Variants in SLC4A10 observed in about 807,000 individuals in gnomAD.
SLC4A10 encodes the protein solute carrier family 4 member 10, also known as sodium-driven chloride bicarbonate exchanger.
Under a neutral mutation model 137.7 loss-of-function variants are expected in SLC4A10, and 42 were observed. The observed-to-expected ratio is 0.30, with a 90% CI of 0.24 to 0.39. The LOEUF (loss-of-function observed/expected upper bound fraction) is 0.39, where lower values mean the gene tolerates loss of function less well. Ranked by LOEUF, SLC4A10 falls within the 10% of genes least tolerant of loss-of-function variation. The pLI, the probability that SLC4A10 is intolerant of heterozygous loss-of-function variation, is 1.00. For synonymous variants in SLC4A10, 474 were observed against 464.1 expected, an observed-to-expected ratio of 1.02 and a Z score of -0.27; for missense variants, 925 against 1,355.0, an observed-to-expected ratio of 0.68 and a Z score of 4.98.
chr2:161,764,349 G>A (rs1411760788), intron 1 of SLC4A10, among the ~76,000 whole-genome samples: 1 of 151,974 alleles, frequency 6.6e-6, no homozygotes, highest in African/African-American at 2.4e-5. Flanking sequence ...AATAGTGGAA[G>A]GCTAAATAAA....
intron 1 of SLC4A10, among the ~76,000 whole-genome samples, chr2:161,632,678 G>C (rs553229153): frequency 6.6e-6 from 1 of 151,324 alleles, no homozygotes; most frequent in East Asian, 1.9e-4. Context: ...TGTCAGGAGG[G>C]CTAGTTAAAA....
chr2:161,912,894 A>G (rs1463530267), intron 15 of SLC4A10, among the ~76,000 whole-genome samples: 1 of 148,558 alleles, frequency 6.7e-6, no homozygotes, highest in Non-Finnish European at 1.5e-5. Flanking sequence ...GAGATATTCT[A>G]AGGCTTAATT....
At chr2:161,903,292 T>C (rs1053906964) in intron 12 of SLC4A10, among the ~76,000 whole-genome samples, 8 of 152,206 alleles carry the variant, frequency 5.3e-5, no homozygotes, top group African/African-American at 1.9e-4. Flanking sequence ...TCACAGATGC[T>C]GGGATATGTT....
intron 1 of SLC4A10, among the ~76,000 whole-genome samples, chr2:161,726,188 T>A (rs2046200162): frequency 6.6e-6 from 1 of 151,974 alleles, no homozygotes; most frequent in African/African-American, 2.4e-5. Flanking sequence ...GAAGTGGAGA[T>A]TAGAAAAATA....
chr2:161,904,050 T>G lies in SLC4A10; in HGVS notation c.1489T>G (p.Phe497Val). 6.3e-7 allele frequency: 1 copy of G among 1,597,430 alleles called. No homozygotes were observed. The highest frequency in any genetic ancestry group is 8.5e-7 in the Non-Finnish European group (1 of 1,170,806). ...AGATATCAAAAGAAAAGCTCCATAC[T>G]TCTGGAGTGACTTCAGAGATGCTTT... The part of the protein sequence containing the change: ...ILDIKRKAPY[F>V]WSDFRDAFSL... The change falls in exon 13 of 27, where the codon TTC (phenylalanine) becomes GTC (valine). Residue 497 changes from phenylalanine to valine, a missense_variant. By Grantham distance (50) the Phe-to-Val change is conservative. This residue lies in a region of SLC4A10 where 61 missense variants were observed against 59.0 expected (regional missense o/e 1.03). Coordinates refer to ENST00000446997, the MANE Select transcript of SLC4A10 (RefSeq NM_001178015.2).
intron 1 of SLC4A10, among the ~76,000 whole-genome samples, chr2:161,650,122 A>G (rs2036581586): frequency 6.6e-6 from 1 of 152,184 alleles, no homozygotes; most frequent in East Asian, 1.9e-4. Context: ...CTTAGTAGTC[A>G]TATCTCCTTA....
At chr2:161,829,498 C>T (rs2058281880) in intron 3 of SLC4A10, among the ~76,000 whole-genome samples, 1 of 152,118 alleles carries the variant, frequency 6.6e-6, no homozygotes, top group South Asian at 2.1e-4. Context: ...AGTTAAAGGA[C>T]CCTCTTGGCT....
chr2:161,826,809 C>T (rs958134647), intron 3 of SLC4A10, among the ~76,000 whole-genome samples: 1 of 152,138 alleles, frequency 6.6e-6, no homozygotes, highest in African/African-American at 2.4e-5. Flanking sequence ...CTGATTATAA[C>T]AGTAATAAAT....
chr2:161,774,537 C>T (rs546603153), intron 2 of SLC4A10, among the ~76,000 whole-genome samples: 1 of 151,896 alleles, frequency 6.6e-6, no homozygotes, highest in African/African-American at 2.4e-5. Flanking sequence ...ACGTTCCTCC[C>T]CAAGAATTAC....
At chr2:161,958,655 C>T in intron 21 of SLC4A10, 100 bp downstream of exon 21, 1 of 745,642 alleles carries the variant, frequency 1.3e-6, no homozygotes, top group South Asian at 1.9e-5. Context: ...ACCTGAGGAA[C>T]AGCTTTTAGA....
intron 1 of SLC4A10, among the ~76,000 whole-genome samples, chr2:161,753,548 G>A (rs1478926643): frequency 6.6e-6 from 1 of 152,116 alleles, no homozygotes; most frequent in Non-Finnish European, 1.5e-5. Context: ...TTTCCCATTT[G>A]TAAAGTGGAG....
At chr2:161,651,485 C>A (rs2036787023) in intron 1 of SLC4A10, among the ~76,000 whole-genome samples, 1 of 152,208 alleles carries the variant, frequency 6.6e-6, no homozygotes, top group Non-Finnish European at 1.5e-5. Flanking sequence ...TGCCATGTTG[C>A]AAGTGACAAG....
At chr2:161,863,943 T>C (rs2060583451) in intron 6 of SLC4A10, among the ~76,000 whole-genome samples, 1 of 152,188 alleles carries the variant, frequency 6.6e-6, no homozygotes, top group Non-Finnish European at 1.5e-5. Flanking sequence ...GGCTCACTCC[T>C]GTAATCCCAG....
At chr2:161,937,667 A>G (rs1336425776) in intron 15 of SLC4A10, among the ~76,000 whole-genome samples, 1 of 152,220 alleles carries the variant, frequency 6.6e-6, no homozygotes. Flanking sequence ...CCCCGAGATT[A>G]TATCTATCTT....
intron 2 of SLC4A10, among the ~76,000 whole-genome samples, chr2:161,804,001 C>T (rs2055651302): frequency 6.6e-6 from 1 of 152,026 alleles, no homozygotes; most frequent in Non-Finnish European, 1.5e-5. Flanking sequence ...ACAGAAAAAC[C>T]TCTGTGGAAT....
At chr2:161,906,614 A>G (rs1472923478) in intron 15 of SLC4A10, among the ~76,000 whole-genome samples, 2 of 152,216 alleles carry the variant, frequency 1.3e-5, no homozygotes, top group Non-Finnish European at 2.9e-5. Flanking sequence ...TTATACTGCA[A>G]ATATCTGAAG....
rs1038439527 is a variant in SLC4A10 at position 161,804,509 on chromosome 2, G to A, written c.191G>A (p.Arg64His). The change falls in exon 3 of 27, where the codon CGT becomes CAT. Residue 64 changes from arginine to histidine, a missense_variant. Physicochemically the swap from Arg to His is conservative, Grantham distance 29. Transcript: ENST00000446997. ...TTGGGAGGAAGAAAAAGCCATCGAC[G>A]TCACAGGCATCGTGGTCATAAACAC... The part of the protein sequence containing the change: ...VPLGGRKSHR[R>H]HRHRGHKHRK... The A allele has an allele frequency of 2.0e-5, 32 of 1,613,048 alleles. No individual in the cohort carries two copies. The highest frequency in any genetic ancestry group is 2.7e-5 in the African/African-American group (2 of 74,856).
At chr2:161,660,589 TTTCTTTCTTTCTTTC>T (rs1224839086) in intron 1 of SLC4A10, among the ~76,000 whole-genome samples, 1 of 139,946 alleles carries the variant, frequency 7.1e-6, no homozygotes, top group Non-Finnish European at 1.6e-5. Context: ...TCTTTCTTTC[TTTCTTTCTTTCTTTC>T]TTTCTTTCTT....
At chr2:161,847,449 T>G (rs1234992808) in intron 4 of SLC4A10, among the ~76,000 whole-genome samples, 1 of 151,972 alleles carries the variant, frequency 6.6e-6, no homozygotes, top group Non-Finnish European at 1.5e-5. Flanking sequence ...TTGTCAGCTG[T>G]TAGGTAGTTT....
Sources: allele counts gnomAD v4.1 joint callset (sites outside exome capture counted in the v4.1 genomes callset), GRCh38; gene constraint gnomAD v4.1.1; regional missense constraint gnomAD v4.1.1; transcripts MANE v1.5; gene names NCBI Gene and HGNC (gene_info 2026-07-23, HGNC 2026-07-21).